IL1RAPL1: variants seen among roughly 807,000 people sequenced by gnomAD.
IL1RAPL1 encodes interleukin 1 receptor accessory protein like 1.
In IL1RAPL1, 3 loss-of-function variants were observed where a neutral mutation model predicts 48.4. The ratio of observed to expected loss-of-function variants is 0.06; its 90% CI spans 0.03 to 0.16. The LOEUF is 0.16. IL1RAPL1 is among the 10% of genes least tolerant of loss of function. IL1RAPL1 has a pLI of 1.00. For synonymous variants in IL1RAPL1, 185 were observed against 187.7 expected, an observed-to-expected ratio of 0.99 and a Z score of 0.12; for missense variants, 349 against 530.6, an observed-to-expected ratio of 0.66 and a Z score of 3.36.
intron 5 of IL1RAPL1, among the ~76,000 whole-genome samples, chrX:29,577,300 G>A (rs1922809385): frequency 9.0e-6 from 1 of 111,488 alleles, no homozygotes; most frequent in African/African-American, 3.3e-5. Flanking sequence ...AAAAAGTACT[G>A]TTATCAGATT....
intron 2 of IL1RAPL1, among the ~76,000 whole-genome samples, chrX:29,047,950 T>C (rs1334590364): frequency 9.0e-6 from 1 of 111,258 alleles, no homozygotes; most frequent in Admixed American, 9.6e-5. Context: ...ACGTATGCAT[T>C]ACATACCACC....
At chrX:29,122,213 G>C (rs1016496475) in intron 2 of IL1RAPL1, among the ~76,000 whole-genome samples, 9 of 110,865 alleles carry the variant, frequency 8.1e-5, no homozygotes, top group Non-Finnish European at 1.7e-4. Flanking sequence ...ATGGGTCTTT[G>C]ATTATCGCTA....
intron 5 of IL1RAPL1, among the ~76,000 whole-genome samples, chrX:29,533,818 C>G (rs927582336): frequency 1.3e-4 from 14 of 111,708 alleles, no homozygotes; most frequent in Admixed American, 5.7e-4. Context: ...TTCATACTAT[C>G]TTAGCTTATT....
intron 1 of IL1RAPL1, among the ~76,000 whole-genome samples, chrX:28,606,681 T>C (rs1332953829): frequency 8.9e-6 from 1 of 111,990 alleles, no homozygotes; most frequent in Non-Finnish European, 1.9e-5. Flanking sequence ...GATGATATTC[T>C]CTAATAAGGA....
intron 2 of IL1RAPL1, among the ~76,000 whole-genome samples, chrX:28,901,166 G>C (rs1267811258): frequency 1.8e-5 from 2 of 111,404 alleles, no homozygotes; most frequent in Non-Finnish European, 3.8e-5. Flanking sequence ...ATAGAATGAG[G>C]ATTTATGTGC....
Position 28,940,241 on chromosome X carries a change from A to G in IL1RAPL1, c.82+150816A>G, listed in dbSNP as rs755630016. On this transcript the variant is annotated intron_variant, in intron 2 of 10. Transcript: ENST00000378993. ...GTTCATTTTATGTGGCTCTCAAGGT[A>G]CTATTCTCATAAAGGTAAAATGAGA... is the stretch of plus-strand genomic sequence containing the variant. 3.1e-3 allele frequency among the ~76,000 whole-genome samples: 349 copies of G among 111,393 alleles called. 3 individuals are homozygous for G. Among genetic ancestry groups the G allele is most frequent in the African/African-American group, 0.011 (327 of 30,829 alleles).
intron 2 of IL1RAPL1, among the ~76,000 whole-genome samples, chrX:29,193,609 A>G (rs768717579): frequency 1.6e-4 from 18 of 110,227 alleles, no homozygotes; most frequent in Non-Finnish European, 3.0e-4. Flanking sequence ...GTGTAGTAAA[A>G]GATTAGGGCA....
intron 2 of IL1RAPL1, among the ~76,000 whole-genome samples, chrX:28,879,008 CAT>C (rs202149742): frequency 0.094 from 10,461 of 111,319 alleles, 593 homozygotes; most frequent in East Asian, 0.36. Context: ...AAATCAAACT[CAT>C]AGTCATTTAT....
intron 2 of IL1RAPL1, among the ~76,000 whole-genome samples, chrX:29,101,468 T>C (rs1928335532): frequency 9.0e-6 from 1 of 111,052 alleles, no homozygotes; most frequent in Non-Finnish European, 1.9e-5. Context: ...TTCCCCAAAA[T>C]AGAGGATGAG....
chrX:29,906,015 C>G lies in IL1RAPL1; in HGVS notation c.779-11449C>G, dbSNP rs12840701. On this transcript the variant is annotated intron_variant, in intron 6 of 10. Coordinates refer to ENST00000378993, the MANE Select transcript of IL1RAPL1 (RefSeq NM_014271.4). ...GTGAGTCAATTAAATCACTATCAGA[C>G]AGGAGAGAATTTGTACCCCTATCAG... 4.3e-3 allele frequency among the ~76,000 whole-genome samples: 481 copies of G among 110,613 alleles called. 3 individuals are homozygous for G. Among genetic ancestry groups the G allele is most frequent in the Non-Finnish European group, 6.5e-3 (341 of 52,859 alleles).
chrX:28,789,472 G>T, intron 2 of IL1RAPL1, 47 bp downstream of exon 2: 1 of 913,776 alleles, frequency 1.1e-6, no homozygotes, highest in South Asian at 2.0e-5. Context: ...AGCTTAAAGT[G>T]ATAGTGCTAC....
At chrX:29,304,303 T>A (rs1932584582) in intron 3 of IL1RAPL1, among the ~76,000 whole-genome samples, 1 of 111,423 alleles carries the variant, frequency 9.0e-6, no homozygotes, top group African/African-American at 3.3e-5. Context: ...TATACCCACA[T>A]GAATATCCAC....
intron 1 of IL1RAPL1, among the ~76,000 whole-genome samples, chrX:28,635,870 C>T (rs197004): frequency 0.4 from 43,768 of 110,523 alleles, 6,458 homozygotes; most frequent in South Asian, 0.54. Flanking sequence ...TATAATTGCT[C>T]TTATTTTTCA....
chrX:28,768,778 T>TATATATATATACAC (rs768805531), intron 1 of IL1RAPL1, among the ~76,000 whole-genome samples: 1 of 76,442 alleles, frequency 1.3e-5, no homozygotes, highest in African/African-American at 4.7e-5. Context: ...TATATATATA[T>TATATATATATACAC]ACACACACTA....
chrX:29,494,100 A>G (rs1935188512), intron 5 of IL1RAPL1, among the ~76,000 whole-genome samples: 1 of 108,105 alleles, frequency 9.3e-6, no homozygotes, highest in Non-Finnish European at 1.9e-5. Context: ...ACGGGGTTTC[A>G]CCATATTGGT....
At chrX:29,459,612 G>A (rs907317843) in intron 5 of IL1RAPL1, among the ~76,000 whole-genome samples, 8 of 111,138 alleles carry the variant, frequency 7.2e-5, no homozygotes, top group African/African-American at 2.0e-4. Context: ...AGGTTGTTGA[G>A]GTAAACTGTA....
In IL1RAPL1 at chrX:29,112,784, T is replaced by C. The variant is rs192745548; in HGVS notation, c.83-170154T>C. 7.8e-4 allele frequency among the ~76,000 whole-genome samples: 78 copies of C among 100,204 alleles called. 2 individuals carry two copies. In the East Asian group the frequency reaches 0.025, roughly 32 times the overall value. 87.0% of individuals were successfully genotyped at this position (100,204 alleles called of 115,157 possible). A position where few individuals can be genotyped will look rare whatever the true frequency, so the allele number is the denominator to read the frequency against. ...AAGAAGAAAGGGTAGAGAAGGCATG[T>C]CAACTTTGGTTTTTTTTTTTTTTTT... is the stretch of plus-strand genomic sequence containing the variant. On this transcript the variant is annotated intron_variant, in intron 2 of 10. Transcript: ENST00000378993.
At chrX:29,806,381 G>A (rs1930255938) in intron 6 of IL1RAPL1, among the ~76,000 whole-genome samples, 1 of 111,724 alleles carries the variant, frequency 9.0e-6, no homozygotes, top group Non-Finnish European at 1.9e-5. Flanking sequence ...GAAAACATAA[G>A]TAAGGCATAA....
At chrX:28,790,986 A>C (rs1427365836) in intron 2 of IL1RAPL1, among the ~76,000 whole-genome samples, 1 of 111,872 alleles carries the variant, frequency 8.9e-6, no homozygotes, top group Non-Finnish European at 1.9e-5. Context: ...TAAGAGAAAC[A>C]CTCATTTGTG....
Sources: allele counts gnomAD v4.1 joint callset (sites outside exome capture counted in the v4.1 genomes callset), GRCh38; gene constraint gnomAD v4.1.1; transcripts MANE v1.5; gene names NCBI Gene and HGNC (gene_info 2026-07-23, HGNC 2026-07-21).